Variants in IMPG2 observed in about 807,000 individuals in gnomAD.
The protein encoded by IMPG2 is IPM 200.
In IMPG2, 91 loss-of-function variants were observed where a neutral mutation model predicts 129.2. The ratio of observed to expected loss-of-function variants is 0.70; its 90% CI spans 0.59 to 0.84. The LOEUF (loss-of-function observed/expected upper bound fraction) is 0.84, where lower values mean the gene tolerates loss of function less well. IMPG2 is among the 40% of genes least tolerant of loss of function. IMPG2 has a pLI of 0.00. For synonymous variants in IMPG2, 510 were observed against 517.7 expected (o/e 0.99, Z 0.20); for missense variants, 1,430 against 1,461.7 (o/e 0.98, Z 0.35).
At chr3:101,264,564 C>G (rs1230613095) in intron 9 of IMPG2, among the ~76,000 whole-genome samples, 1 of 151,754 alleles carries the variant, frequency 6.6e-6, no homozygotes, top group African/African-American at 2.4e-5. Context: ...CAATAAAGTC[C>G]ACATATGAAA....
intron 3 of IMPG2, among the ~76,000 whole-genome samples, chr3:101,292,705 T>A (rs1417888150): frequency 6.6e-6 from 1 of 152,244 alleles, no homozygotes; most frequent in Non-Finnish European, 1.5e-5. Context: ...CTGTGATATG[T>A]AATGCAGTTG....
intron 4 of IMPG2, among the ~76,000 whole-genome samples, chr3:101,285,383 A>C (rs1268640844): frequency 6.6e-6 from 1 of 152,194 alleles, no homozygotes; most frequent in Non-Finnish European, 1.5e-5. Flanking sequence ...ACACAGAAAG[A>C]CATAGACTTC....
intron 3 of IMPG2, among the ~76,000 whole-genome samples, chr3:101,303,381 A>G (rs1449703122): frequency 6.6e-6 from 1 of 152,200 alleles, no homozygotes; most frequent in Non-Finnish European, 1.5e-5. Flanking sequence ...AAATGAATAA[A>G]GAATTGTGGG....
chr3:101,236,161 G>C (rs116684392), intron 14 of IMPG2, among the ~76,000 whole-genome samples: 1 of 152,160 alleles, frequency 6.6e-6, no homozygotes, highest in South Asian at 2.1e-4. Context: ...CAAGACTCCC[G>C]TGAGACTGAA....
chr3:101,227,097 TTTTC>T (rs374887946), intron 18 of IMPG2, 116 bp from the exon 19 acceptor site: 12 of 1,200,230 alleles, frequency 1.0e-5, no homozygotes, highest in African/African-American at 3.1e-5. Context: ...CTTTCTATTT[TTTTC>T]TTTATTTGAA....
intron 7 of IMPG2, among the ~76,000 whole-genome samples, chr3:101,271,413 T>A (rs1706782085): frequency 6.6e-6 from 1 of 152,208 alleles, no homozygotes; most frequent in South Asian, 2.1e-4. Context: ...TTGCATGAAG[T>A]CATTCGACTT....
intron 11 of IMPG2, 111 bp from the exon 12 acceptor site, chr3:101,246,216 C>T (rs191510301): frequency 5.6e-5 from 55 of 989,688 alleles, no homozygotes; most frequent in South Asian, 3.8e-4. Context: ...GACAAGGAGG[C>T]GGTGTATTAA....
chr3:101,269,409 C>T (rs779233805), intron 8 of IMPG2, 106 bp downstream of exon 8: 1 of 716,008 alleles, frequency 1.4e-6, no homozygotes, highest in Non-Finnish European at 2.5e-6. Flanking sequence ...TGAGTTACAG[C>T]ATTCAAACCA....
chr3:101,243,949 G>A lies in IMPG2; in HGVS notation c.2382C>T (p.Ser794=). The A allele has an allele frequency of 6.2e-7, 1 of 1,614,120 alleles. No homozygotes were observed. Among genetic ancestry groups the A allele is most frequent in the South Asian group, 1.1e-5 (1 of 91,084 alleles). Residue 794 remains serine, a synonymous_variant, in exon 13 of 19, where the codon TCC becomes TCT. Transcript: ENST00000193391. ...WTRTSSLEKL[S]RDILASTPQS... ...GTGGTGTACTTGCCAATATGTCTCT[G>A]GACAATTTCTCTAGGGAAGAAGTTC... is the stretch of plus-strand genomic sequence containing the variant.
chr3:101,259,019 T>G (rs1029860780), intron 9 of IMPG2, among the ~76,000 whole-genome samples: 4 of 152,186 alleles, frequency 2.6e-5, no homozygotes, highest in Admixed American at 2.6e-4. Context: ...TTTCTTAAGA[T>G]GTAATATGTG....
chr3:101,301,101 T>C (rs1038896147), intron 3 of IMPG2, among the ~76,000 whole-genome samples: 1 of 152,206 alleles, frequency 6.6e-6, no homozygotes, highest in Admixed American at 6.5e-5. Flanking sequence ...GAAAAGTCAG[T>C]CGGTGGAGTT....
intron 7 of IMPG2, 44 bp from the exon 8 acceptor site, chr3:101,269,617 G>A: frequency 9.1e-7 from 1 of 1,093,132 alleles, no homozygotes; most frequent in Non-Finnish European, 1.4e-6. Flanking sequence ...TAAAAATATG[G>A]AAAAATATAT....
chr3:101,232,941 ACT>A lies in IMPG2; in HGVS notation c.3071_3072del (p.Glu1024ValfsTer31). The A allele has an allele frequency of 6.2e-7, 1 of 1,613,998 alleles. No individual in the cohort carries two copies. Among genetic ancestry groups the A allele is most frequent in the Non-Finnish European group, 8.5e-7 (1 of 1,180,000 alleles). Reference sequence around the variant, plus strand: ...TCTCCACTCCAGGGGTTGACCAGACACTCTGAAAATTCATTACAGGCCTGAAA... The same window carrying A: ...TCTCCACTCCAGGGGTTGACCAGACACTGAAAATTCATTACAGGCCTGAAA... ...CKFQACNEFS[E>X]CLVNPWSGEA... On this transcript the variant is annotated frameshift_variant, in exon 15 of 19. Transcript: ENST00000193391. LOFTEE classifies it high-confidence loss of function.
intron 2 of IMPG2, among the ~76,000 whole-genome samples, chr3:101,316,388 T>A: frequency 6.6e-6 from 1 of 151,980 alleles, no homozygotes; most frequent in East Asian, 1.9e-4. Flanking sequence ...TTAGAACACA[T>A]TAAGAACTAT....
At chr3:101,266,766 A>G (rs1196079654) in intron 9 of IMPG2, among the ~76,000 whole-genome samples, 1 of 152,102 alleles carries the variant, frequency 6.6e-6, no homozygotes, top group African/African-American at 2.4e-5. Flanking sequence ...CAGACCTTGT[A>G]CCCAGCACCC....
chr3:101,243,423 C>A, intron 13 of IMPG2, 106 bp downstream of exon 13: 1 of 968,580 alleles, frequency 1.0e-6, no homozygotes, highest in South Asian at 1.4e-5. Flanking sequence ...TGAATGTTCA[C>A]AGCAGATCAC....
At chr3:101,255,529 A>G (rs941809505) in intron 10 of IMPG2, among the ~76,000 whole-genome samples, 1 of 151,622 alleles carries the variant, frequency 6.6e-6, no homozygotes, top group Admixed American at 6.6e-5. Flanking sequence ...TTCTCCTACC[A>G]CTCCAGTTAC....
At chr3:101,319,402 C>T (rs2058800153) in intron 2 of IMPG2, among the ~76,000 whole-genome samples, 182 bp downstream of exon 2, 1 of 152,118 alleles carries the variant, frequency 6.6e-6, no homozygotes, top group Non-Finnish European at 1.5e-5. Context: ...AACAAACCTC[C>T]TCTCTTAATG....
chr3:101,275,807 C>G, intron 5 of IMPG2, 62 bp from the exon 6 acceptor site: 1 of 1,252,656 alleles, frequency 8.0e-7, no homozygotes, highest in Non-Finnish European at 1.2e-6. Context: ...GAATTCCTAT[C>G]AGGAAATAAG....
Sources: allele counts gnomAD v4.1 joint callset (sites outside exome capture counted in the v4.1 genomes callset), GRCh38; gene constraint gnomAD v4.1.1; transcripts MANE v1.5; gene names NCBI Gene and HGNC (gene_info 2026-07-23, HGNC 2026-07-21).